Variants in EXT1 observed in about 807,000 individuals in gnomAD.
EXT1 encodes exostosin-1.
EXT1 carries 20 observed loss-of-function variants against 82.5 expected under a neutral mutation model. That is an observed-to-expected ratio of 0.24 (90% CI 0.17 to 0.35). The LOEUF is 0.35. Among genes scored for constraint, EXT1 ranks in the 10% least tolerant of loss-of-function variants. The probability of loss-of-function intolerance (pLI) is 1.00; values close to 1 mark genes in which losing one functional copy is unlikely to be tolerated. For synonymous variants in EXT1, 348 were observed against 350.8 expected (o/e 0.99, Z 0.09); for missense variants, 757 against 936.5 (o/e 0.81, Z 2.50).
chr8:118,028,646 C>T (rs1428395456), intron 1 of EXT1, among the ~76,000 whole-genome samples: 1 of 151,840 alleles, frequency 6.6e-6, no homozygotes, highest in African/African-American at 2.4e-5. Context: ...AAAAAGTAAG[C>T]CAGCCGGGCG....
intron 1 of EXT1, among the ~76,000 whole-genome samples, chr8:117,886,067 C>A (rs528892146): frequency 1.3e-5 from 2 of 151,952 alleles, no homozygotes; most frequent in African/African-American, 4.8e-5. Context: ...AAAATGTATA[C>A]GATGGAACAA....
At chr8:117,973,610 AT>A (rs1183127345) in intron 1 of EXT1, among the ~76,000 whole-genome samples, 1 of 151,788 alleles carries the variant, frequency 6.6e-6, no homozygotes, top group Admixed American at 6.6e-5. Context: ...CTCCAAAATA[AT>A]TTAAACATTT....
chr8:118,090,186 C>T (rs966046706), intron 1 of EXT1, among the ~76,000 whole-genome samples: 1 of 152,110 alleles, frequency 6.6e-6, no homozygotes. Context: ...CTTTGGGATG[C>T]CAAGGCAGGA....
chr8:117,802,431 T>C (rs1228061185), intron 10 of EXT1, among the ~76,000 whole-genome samples: 2 of 152,230 alleles, frequency 1.3e-5, no homozygotes, highest in African/African-American at 4.8e-5. Flanking sequence ...TATACTGTAA[T>C]ACCATATTTT....
rs192375205 is a variant in EXT1, at chr8:117,894,045, A to G, written c.963-56844T>C. 7.9e-5 allele frequency among the ~76,000 whole-genome samples: 12 copies of G among 151,878 alleles called. No homozygotes were observed. In the East Asian group the frequency reaches 2.3e-3, roughly 30 times the overall value. ...CCTTTTAGGGGCTATCTACCCACTG[A>G]CCCCTAACCCTGCCTTTTGGCTACA... On this transcript the variant is annotated intron_variant, in intron 1 of 10. Coordinates refer to ENST00000378204, the MANE Select transcript of EXT1 (RefSeq NM_000127.3).
chr8:117,987,225 T>C (rs1427757890), intron 1 of EXT1, among the ~76,000 whole-genome samples: 1 of 152,248 alleles, frequency 6.6e-6, no homozygotes, highest in African/African-American at 2.4e-5. Flanking sequence ...TCTTCAAACC[T>C]GCTCGGGCTG....
intron 1 of EXT1, among the ~76,000 whole-genome samples, chr8:117,955,940 T>C (rs528137006): frequency 3.4e-4 from 52 of 152,304 alleles, no homozygotes; most frequent in Non-Finnish European, 6.5e-4. Flanking sequence ...AGGATCCAGC[T>C]TGAGTGTACC....
intron 1 of EXT1, among the ~76,000 whole-genome samples, chr8:118,033,905 G>A (rs1335234647): frequency 6.6e-6 from 1 of 152,184 alleles, no homozygotes; most frequent in Non-Finnish European, 1.5e-5. Context: ...GGTAGTGGCT[G>A]CATTAACCAT....
chr8:118,038,948 G>T (rs906154053), intron 1 of EXT1, among the ~76,000 whole-genome samples: 4 of 152,126 alleles, frequency 2.6e-5, no homozygotes, highest in Non-Finnish European at 5.9e-5. Flanking sequence ...TTCTGGCATA[G>T]AACTTACTAT....
intron 1 of EXT1, among the ~76,000 whole-genome samples, chr8:118,092,987 C>T (rs1331788822): frequency 6.6e-6 from 1 of 152,154 alleles, no homozygotes; most frequent in African/African-American, 2.4e-5. Flanking sequence ...GTATCTTATA[C>T]TTTCACAGAC....
intron 1 of EXT1, among the ~76,000 whole-genome samples, chr8:118,056,242 A>G (rs572406232): frequency 6.6e-6 from 1 of 152,360 alleles, no homozygotes; most frequent in East Asian, 1.9e-4. Context: ...TGCCCCCTTT[A>G]GAAAAACAAA....
rs906512055 is a variant in EXT1 at position 117,856,477 on chromosome 8, A to G, written c.963-19276T>C. 4.3e-5 allele frequency among the ~76,000 whole-genome samples: 6 copies of G among 137,992 alleles called. No homozygotes were observed. In the East Asian group the frequency reaches 8.7e-4, roughly 20 times the overall value. The allele number at this position is 137,992 out of a possible 152,430, so 90.5% of individuals were successfully genotyped here. On this transcript the variant is annotated intron_variant, in intron 1 of 10. Coordinates refer to ENST00000378204, the MANE Select transcript of EXT1 (RefSeq NM_000127.3). ...GAGACGGGTTTTCATCGTGTTAGCC[A>G]GGATGGTCTCGATCTCCTGACCTCA...
intron 1 of EXT1, among the ~76,000 whole-genome samples, chr8:118,041,395 C>A (rs1346863431): frequency 6.6e-6 from 1 of 152,086 alleles, no homozygotes; most frequent in African/African-American, 2.4e-5. Flanking sequence ...TGCCAGGCAC[C>A]TTTTGAGGCA....
chr8:118,055,010 C>T (rs754357248), intron 1 of EXT1, among the ~76,000 whole-genome samples: 3 of 151,634 alleles, frequency 2.0e-5, no homozygotes, highest in African/African-American at 7.3e-5. Flanking sequence ...AATTGATATG[C>T]GATAAATTGC....
intron 4 of EXT1, among the ~76,000 whole-genome samples, chr8:117,829,572 T>TC (rs1295757831): frequency 3.4e-5 from 4 of 118,344 alleles, no homozygotes; most frequent in African/African-American, 1.5e-4. Context: ...TATTTTTCTT[T>TC]TTTTTTTTTT....
chr8:117,864,277 C>A (rs527980095), intron 1 of EXT1, among the ~76,000 whole-genome samples: 4 of 152,318 alleles, frequency 2.6e-5, no homozygotes, highest in African/African-American at 9.6e-5. Flanking sequence ...TTAAAAGTAT[C>A]CTTGACCTTA....
intron 6 of EXT1, among the ~76,000 whole-genome samples, chr8:117,819,420 A>G (rs957687733): frequency 2.0e-5 from 3 of 152,178 alleles, no homozygotes; most frequent in Non-Finnish European, 4.4e-5. Context: ...GTGTATGTAT[A>G]TATACTTTTT....
intron 3 of EXT1, among the ~76,000 whole-genome samples, chr8:117,833,435 T>C (rs1274963980): frequency 6.6e-6 from 1 of 151,986 alleles, no homozygotes; most frequent in East Asian, 1.9e-4. Flanking sequence ...GCCAACATGG[T>C]GAAACACCAT....
intron 1 of EXT1, among the ~76,000 whole-genome samples, chr8:117,923,082 TG>T (rs1411985204): frequency 1.9e-4 from 29 of 152,204 alleles, no homozygotes; most frequent in Admixed American, 4.6e-4. Flanking sequence ...CCCAGCACTT[TG>T]GGAGGCCGAG....
Sources: gnomAD v4.1 joint callset for allele counts (sites outside exome capture counted in the v4.1 genomes callset) on GRCh38, gnomAD v4.1.1 for gene constraint, MANE v1.5 for transcripts, NCBI Gene and HGNC (gene_info 2026-07-23, HGNC 2026-07-21) for gene names.